NLRP8: variants seen among roughly 807,000 people sequenced by gnomAD.
NLRP8 encodes NLR family pyrin domain containing 8, also known as NACHT, LRR and PYD domains-containing protein 8.
Under a neutral mutation model 88.7 loss-of-function variants are expected in NLRP8, and 86 were observed. That is an observed-to-expected ratio of 0.97 (90% CI 0.81 to 1.16). The LOEUF is 1.16. Among genes scored for constraint, NLRP8 ranks in the 50% most tolerant of loss-of-function variants. The pLI is 0.00. For missense variants in NLRP8, 1,342 were observed against 1,286.5 expected (o/e 1.04, Z -0.66); for synonymous variants, 504 against 494.6 (o/e 1.02, Z -0.25).
In NLRP8 at chr19:55,988,440, G is replaced by GTATATATATATATATA. The variant is rs1445801696; in HGVS notation, c.*528_*529insATATATATATATATAT. 35 of 100,536 alleles carry GTATATATATATATATA rather than the reference G, an allele frequency of 3.5e-4. No individual in the cohort carries two copies. Among genetic ancestry groups the GTATATATATATATATA allele is most frequent in the South Asian group, 2.8e-3 (9 of 3,182 alleles). The allele number at this position is 100,536 out of a possible 1,614,324, so 6.2% of individuals were successfully genotyped here. A position where few individuals can be genotyped will look rare whatever the true frequency, so the allele number is the denominator to read the frequency against. On this transcript the variant is annotated 3_prime_UTR_variant, in exon 10 of 10. Coordinates refer to ENST00000291971, the MANE Select transcript of NLRP8 (RefSeq NM_176811.2). Reference sequence around the variant, plus strand: ...TATACACATAAATATATATATGTGTGTGTGTATATATATATATATATATAT... The same window carrying GTATATATATATATATA: ...TATACACATAAATATATATATGTGTGTATATATATATATATATGTGTATATATATATATATATATAT...
chr19:55,979,706 T>C (rs969357174), intron 9 of NLRP8, 142 bp downstream of exon 9: 2 of 872,780 alleles, frequency 2.3e-6, no homozygotes, highest in African/African-American at 3.4e-5. Flanking sequence ...ATCGCTTGAG[T>C]CTGGAGTTCA....
chr19:55,979,239 G>T (rs1266163772), intron 8 of NLRP8, among the ~76,000 whole-genome samples, 155 bp from the exon 9 acceptor site: 1 of 152,244 alleles, frequency 6.6e-6, no homozygotes. Context: ...AGGACACAAA[G>T]AAACTGATTG....
At chr19:55,986,162 T>C (rs868854010) in intron 9 of NLRP8, among the ~76,000 whole-genome samples, 11 of 152,126 alleles carry the variant, frequency 7.2e-5, no homozygotes, top group South Asian at 2.1e-4. Context: ...ATTGTATACA[T>C]AGAAGATCAC....
rs187510597 is a variant in NLRP8 at position 55,962,093 on chromosome 19, G to A, written c.2069G>A (p.Arg690His). 25 of 1,614,122 alleles carry A rather than the reference G, an allele frequency of 1.5e-5. No individual in the cohort carries two copies. The East Asian group carries it at 2.5e-4, about 16-fold the overall frequency. Residue 690 changes from arginine to histidine, a missense_variant, in exon 4 of 10, where the codon CGT (arginine) becomes CAT (histidine). Arg to His is a conservative substitution (Grantham distance 29). Transcript: ENST00000291971. ...GCGCCAGAGAGCAATGGGCTGCATC[G>A]TTGGTGGCAAGACTTATGCTCTGTG...
intron 9 of NLRP8, among the ~76,000 whole-genome samples, chr19:55,983,909 T>A (rs545762213): frequency 4.5e-4 from 69 of 152,174 alleles, no homozygotes; most frequent in Middle Eastern, 6.8e-3. Flanking sequence ...CGATGGTGAC[T>A]TATTTAATTT....
At position 55,962,106 on chromosome 19, in the gene NLRP8, C is replaced by T. The variant is rs1344850089; in HGVS notation, c.2082C>T (p.Asp694=). 1 of 1,614,172 alleles carries T rather than the reference C, an allele frequency of 6.2e-7. No homozygotes were observed. The highest frequency in any genetic ancestry group is 2.2e-5 in the East Asian group (1 of 44,884). Residue 694 remains aspartate (D), a synonymous_variant, in exon 4 of 10, where the codon GAC becomes GAT. Coordinates refer to ENST00000291971, the MANE Select transcript of NLRP8 (RefSeq NM_176811.2). ...ATGGGCTGCATCGTTGGTGGCAAGA[C>T]TTATGCTCTGTGTTTGCAACGAATG...
chr19:55,948,067 G>A lies in NLRP8; in HGVS notation c.165G>A (p.Arg55=). The A allele has an allele frequency of 6.2e-7, 1 of 1,614,118 alleles. No individual in the cohort carries two copies. Among genetic ancestry groups the A allele is most frequent in the Non-Finnish European group, 8.5e-7 (1 of 1,180,020 alleles). The change falls in exon 1 of 10, where the codon CGG becomes CGA. Residue 55 remains arginine, a synonymous_variant. Transcript: ENST00000291971. ...ACGTGAGCCATGAGGAGCTACAACG[G>A]TTCAAGCAGCTCTTACTGACTGAGC... is the stretch of plus-strand genomic sequence containing the variant.
At position 55,962,096 on chromosome 19, in the gene NLRP8, G is replaced by T. The variant is rs1406268450; in HGVS notation, c.2072G>T (p.Trp691Leu). 4.3e-6 allele frequency: 7 copies of T among 1,614,136 alleles called. No homozygotes were observed. The highest frequency in any genetic ancestry group is 5.1e-6 in the Non-Finnish European group (6 of 1,180,002). The change falls in exon 4 of 10, where the codon TGG becomes TTG. Residue 691 changes from tryptophan to leucine, a missense_variant. Coordinates refer to ENST00000291971, the MANE Select transcript of NLRP8 (RefSeq NM_176811.2). Reference sequence around the variant, plus strand: ...CCAGAGAGCAATGGGCTGCATCGTTGGTGGCAAGACTTATGCTCTGTGTTT... The same window carrying T: ...CCAGAGAGCAATGGGCTGCATCGTTTGTGGCAAGACTTATGCTCTGTGTTT...
Position 55,947,950 on chromosome 19 carries a change from C to T in NLRP8, c.48C>T (p.Ser16=). The change falls in exon 1 of 10, where the codon TCC becomes TCT. Residue 16 remains serine (S), a synonymous_variant. Transcript: ENST00000291971. ...CTGACACCCCCATTCCCTTTTCATC[C>T]TCCTCCACTCACAGTTCTCATATTC... 2 of 1,613,948 alleles carry T rather than the reference C, an allele frequency of 1.2e-6. No homozygotes were observed. The highest frequency in any genetic ancestry group is 1.3e-5 in the African/African-American group (1 of 75,030).
intron 4 of NLRP8, among the ~76,000 whole-genome samples, chr19:55,965,427 C>G (rs306499): frequency 0.84 from 127,007 of 151,566 alleles, 53,622 homozygotes; most frequent in African/African-American, 0.95. Flanking sequence ...CTCCAGCCTG[C>G]GCAACAGAGT....
Position 55,955,315 on chromosome 19 carries a change from A to C in NLRP8, c.1257A>C (p.Ser419=), listed in dbSNP as rs10426571. The C allele has an allele frequency of 6.2e-7, 1 of 1,614,148 alleles. No individual in the cohort carries two copies. The highest frequency in any genetic ancestry group is 1.1e-5 in the South Asian group (1 of 91,082). ...AGAGAGGAAACAATCTCACACAGTC[A>C]TGTCCAAATGCCACCTCTGTGTTCG... The change falls in exon 3 of 10, where the codon TCA becomes TCC. Residue 419 remains serine, a synonymous_variant. Coordinates refer to ENST00000291971, the MANE Select transcript of NLRP8 (RefSeq NM_176811.2).
At chr19:55,977,522 A>T (rs1390135443) in intron 8 of NLRP8, among the ~76,000 whole-genome samples, 3 of 142,984 alleles carry the variant, frequency 2.1e-5, no homozygotes, top group Non-Finnish European at 4.5e-5. Flanking sequence ...TTATATATTT[A>T]TATATAATAT....
rs560961718 is a variant in NLRP8, at chr19:55,987,339, C to T, written c.3048-475C>T. The stretch of plus-strand genomic sequence containing the variant: ...GAGCCAAGGTCACGCCACTGCACTC[C>T]AGCGTGGGTGACAGAGTGAGACTTC... On this transcript the variant is annotated intron_variant, in intron 9 of 9. Transcript: ENST00000291971. Among the ~76,000 whole-genome samples the T allele has an allele frequency of 2.6e-5, 4 of 152,336 alleles. No individual in the cohort carries two copies. The East Asian group carries it at 7.7e-4, about 29-fold the overall frequency.
In NLRP8 at chr19:55,970,679, C is replaced by T; in HGVS notation, c.2517C>T (p.Ala839=). 1 of 1,613,836 alleles carries T rather than the reference C, an allele frequency of 6.2e-7. No individual in the cohort carries two copies. Among genetic ancestry groups the T allele is most frequent in the Non-Finnish European group, 8.5e-7 (1 of 1,179,922 alleles). The change falls in exon 6 of 10, where the codon GCC becomes GCT. Residue 839 remains alanine, a synonymous_variant. Coordinates refer to ENST00000291971, the MANE Select transcript of NLRP8 (RefSeq NM_176811.2). ...GTGGGGCGTATTACCTGTCTGTGGC[C>T]CAGCTGGAGAGGCTGTCGTAAGTCT...
chr19:55,976,070 GT>G, intron 7 of NLRP8, 62 bp from the exon 8 acceptor site: 2 of 1,358,586 alleles, frequency 1.5e-6, no homozygotes, highest in Non-Finnish European at 2.0e-6. Context: ...TTTCGTTGTT[GT>G]TGTTGTTGTT....
intron 7 of NLRP8, among the ~76,000 whole-genome samples, chr19:55,975,923 G>A (rs1308169651): frequency 6.6e-6 from 1 of 152,068 alleles, no homozygotes; most frequent in Non-Finnish European, 1.5e-5. Context: ...CCAATATTTG[G>A]TACACTTTAA....
intron 9 of NLRP8, among the ~76,000 whole-genome samples, chr19:55,984,435 AC>A (rs1980711789): frequency 5.3e-5 from 8 of 151,400 alleles, no homozygotes; most frequent in African/African-American, 1.7e-4. Context: ...CGGGGGGATC[AC>A]CTGAGGTCAG....
At chr19:55,972,555 T>C (rs1395794572) in intron 6 of NLRP8, among the ~76,000 whole-genome samples, 1 of 152,022 alleles carries the variant, frequency 6.6e-6, no homozygotes, top group Non-Finnish European at 1.5e-5. Flanking sequence ...CTGTACCCAA[T>C]GTGTAGTCTT....
intron 8 of NLRP8, among the ~76,000 whole-genome samples, chr19:55,977,003 C>T (rs943060555): frequency 6.8e-6 from 1 of 148,028 alleles, no homozygotes; most frequent in Non-Finnish European, 1.5e-5. Context: ...TGGTGTGAAC[C>T]TGGGAAGTGG....
Sources: gnomAD v4.1 joint callset for allele counts (sites outside exome capture counted in the v4.1 genomes callset) on GRCh38, gnomAD v4.1.1 for gene constraint, MANE v1.5 for transcripts, NCBI Gene and HGNC (gene_info 2026-07-23, HGNC 2026-07-21) for gene names.